The following KCNJ2 variants were observed in gnomAD, a reference collection of about 807,000 sequenced individuals.
The protein encoded by KCNJ2 is inward rectifier potassium channel 2.
In KCNJ2, 12 loss-of-function variants were observed where a neutral mutation model predicts 28.4. That is an observed-to-expected ratio of 0.42 (90% CI 0.27 to 0.68). KCNJ2 has a LOEUF of 0.68. Ranked by LOEUF, KCNJ2 falls within the 30% of genes least tolerant of loss-of-function variation. The pLI, the probability that KCNJ2 is intolerant of heterozygous loss-of-function variation, is 0.23. For missense variants in KCNJ2, 320 were observed against 551.3 expected (o/e 0.58, Z 4.20); for synonymous variants, 200 against 203.2 (o/e 0.98, Z 0.13).
intron 1 of KCNJ2, among the ~76,000 whole-genome samples, chr17:70,172,483 T>C (rs1199534840): frequency 6.6e-6 from 1 of 152,236 alleles, no homozygotes; most frequent in Non-Finnish European, 1.5e-5. Flanking sequence ...ATTCTAAATG[T>C]GGAAAGCTAT....
intron 1 of KCNJ2, among the ~76,000 whole-genome samples, chr17:70,170,470 A>G (rs2074359537): frequency 6.6e-6 from 1 of 152,198 alleles, no homozygotes; most frequent in African/African-American, 2.4e-5. Flanking sequence ...AAATAGGGAT[A>G]GGGAATGGGC....
At position 70,176,870 on chromosome 17, in the gene KCNJ2, G is replaced by A. The variant is rs532522194; in HGVS notation, c.*547G>A. ...CCAAAACAAGAGCCTGATTTTTTGA[G>A]GCCAGTAATTCGTTTGCTAGAATTG... On this transcript the variant is annotated 3_prime_UTR_variant, in exon 2 of 2. Coordinates refer to ENST00000243457, the MANE Select transcript of KCNJ2 (RefSeq NM_000891.3). 5.7e-6 allele frequency: 1 copy of A among 174,280 alleles called. No homozygotes were observed. The highest frequency in any genetic ancestry group is 6.0e-5 in the Admixed American group (1 of 16,740). 10.8% of individuals were successfully genotyped at this position (174,280 alleles called of 1,614,324 possible). A position where few individuals can be genotyped will look rare whatever the true frequency, so the allele number is the denominator to read the frequency against.
chr17:70,175,603 G>T lies in KCNJ2; in HGVS notation c.564G>T (p.Lys188Asn). 6.2e-7 allele frequency: 1 copy of T among 1,614,234 alleles called. No homozygotes were observed. Among genetic ancestry groups the T allele is most frequent in the Non-Finnish European group, 8.5e-7 (1 of 1,180,038 alleles). Residue 188 changes from lysine (K) to asparagine (N), a missense_variant, in exon 2 of 2, where the codon AAG becomes AAT. This residue lies in a region of KCNJ2 where 111 missense variants were observed against 256.7 expected (regional missense o/e 0.43). Transcript: ENST00000243457. This position sits in a 1 kb window ranked among gnomAD's most constrained non-coding sequence, Gnocchi z 8.3. ...AVMAKMAKPK[K>N]RNETLVFSHN... is the part of the protein sequence containing the mutation. ...TGGCCAAGATGGCAAAGCCAAAGAA[G>T]AGAAACGAGACTCTTGTCTTCAGTC... is the stretch of plus-strand genomic sequence containing the variant.
chr17:70,175,441 C>T lies in KCNJ2; in HGVS notation c.402C>T (p.Leu134=). ...SEVNSFTAAF[L]FSIETQTTIG... is the part of the protein sequence containing the mutation. ...TCAACAGCTTCACGGCTGCCTTCCT[C>T]TTCTCCATTGAGACCCAGACAACCA... Residue 134 remains leucine (L), a synonymous_variant, in exon 2 of 2, where the codon CTC becomes CTT. Transcript: ENST00000243457. This position sits in a 1 kb window ranked among gnomAD's most constrained non-coding sequence, Gnocchi z 8.3. 2 of 1,614,190 alleles carry T rather than the reference C, an allele frequency of 1.2e-6. No individual in the cohort carries two copies. The highest frequency in any genetic ancestry group is 1.1e-5 in the South Asian group (1 of 91,080).
chr17:70,169,855 A>G (rs780298419), intron 1 of KCNJ2, among the ~76,000 whole-genome samples, 154 bp downstream of exon 1: 2 of 152,150 alleles, frequency 1.3e-5, no homozygotes, highest in Non-Finnish European at 2.9e-5. Context: ...CCGGAGTCCC[A>G]GATCATGCCT....
In KCNJ2 at chr17:70,176,403, G is replaced by T; in HGVS notation, c.*80G>T. On this transcript the variant is annotated 3_prime_UTR_variant, in exon 2 of 2. Transcript: ENST00000243457. ...GGCCCAAAACAGTTATACAGATGAC[G>T]GTACTGGTCAAGATGGGTCAAGCAA... 1 of 1,336,854 alleles carries T rather than the reference G, an allele frequency of 7.5e-7. No homozygotes were observed. Among genetic ancestry groups the T allele is most frequent in the Non-Finnish European group, 1.1e-6 (1 of 929,880 alleles). 82.8% of individuals were successfully genotyped at this position (1,336,854 alleles called of 1,614,324 possible).
Position 70,176,481 on chromosome 17 carries a change from C to T in KCNJ2, c.*158C>T, listed in dbSNP as rs2074394243. On this transcript the variant is annotated 3_prime_UTR_variant, in exon 2 of 2. Coordinates refer to ENST00000243457, the MANE Select transcript of KCNJ2 (RefSeq NM_000891.3). ...AATGGTTTCAAAGAAAGACTGTAAG[C>T]TCCATGATTAGCATAAAGCACTAAC... is the stretch of plus-strand genomic sequence containing the variant. The T allele has an allele frequency of 1.4e-6, 1 of 717,944 alleles. No individual in the cohort carries two copies. Among genetic ancestry groups the T allele is most frequent in the Non-Finnish European group, 2.6e-6 (1 of 391,920 alleles). The allele number at this position is 717,944 out of a possible 1,614,324, so 44.5% of individuals were successfully genotyped here. A position where few individuals can be genotyped will look rare whatever the true frequency, so the allele number is the denominator to read the frequency against.
chr17:70,176,459 G>A lies in KCNJ2; in HGVS notation c.*136G>A, dbSNP rs73998781. 14,657 of 775,404 alleles carry A rather than the reference G, an allele frequency of 0.019. 1,436 individuals are homozygous for A. The African/African-American group carries it at 0.22, about 12-fold the overall frequency. 48.0% of individuals were successfully genotyped at this position (775,404 alleles called of 1,614,324 possible). A position where few individuals can be genotyped will look rare whatever the true frequency, so the allele number is the denominator to read the frequency against. On this transcript the variant is annotated 3_prime_UTR_variant, in exon 2 of 2. Transcript: ENST00000243457. ...CACAAGGGACTGAGGCAAGCACAAT[G>A]GTTTCAAAGAAAGACTGTAAGCTCC...
chr17:70,170,468 A>T (rs1407486964), intron 1 of KCNJ2, among the ~76,000 whole-genome samples: 2 of 152,152 alleles, frequency 1.3e-5, no homozygotes, highest in Non-Finnish European at 2.9e-5. Flanking sequence ...AAAAATAGGG[A>T]TAGGGAATGG....
intron 1 of KCNJ2, among the ~76,000 whole-genome samples, chr17:70,170,025 C>A (rs558692679): frequency 1.1e-4 from 16 of 152,136 alleles, no homozygotes; most frequent in Admixed American, 3.3e-4. Flanking sequence ...GAGGCAAGGG[C>A]GAGAGCGTCT....
chr17:70,177,359 G>A lies in KCNJ2; in HGVS notation c.*1036G>A, dbSNP rs747357736. The stretch of plus-strand genomic sequence containing the variant: ...CAGGCTCATGTGTAGTGTGCGAGAT[G>A]GTGATGTACTCTTATATTTTTCTGG... On this transcript the variant is annotated 3_prime_UTR_variant, in exon 2 of 2. Transcript: ENST00000243457. 7 of 167,044 alleles carry A rather than the reference G, an allele frequency of 4.2e-5. No individual in the cohort carries two copies. Among genetic ancestry groups the A allele is most frequent in the African/African-American group, 7.2e-5 (3 of 41,428 alleles). The allele number at this position is 167,044 out of a possible 1,614,324, so 10.3% of individuals were successfully genotyped here. A position where few individuals can be genotyped will look rare whatever the true frequency, so the allele number is the denominator to read the frequency against.
At chr17:70,171,102 A>G (rs1327571440) in intron 1 of KCNJ2, among the ~76,000 whole-genome samples, 2 of 152,190 alleles carry the variant, frequency 1.3e-5, no homozygotes, top group Non-Finnish European at 2.9e-5. Context: ...TGCACAGATT[A>G]AGTGTTTCAG....
rs2144375995 is a variant in KCNJ2, at chr17:70,174,817, C to A, written c.-216-7C>A. ...TTTTGTAATGCACAGTCTCTCTTTT[C>A]TTGCAGGACATGTTCTCTGGATGTC... On this transcript the variant is annotated splice_polypyrimidine_tract_variant and splice_region_variant and intron_variant, in intron 1 of 1. Coordinates refer to ENST00000243457, the MANE Select transcript of KCNJ2 (RefSeq NM_000891.3). 3.3e-6 allele frequency: 2 copies of A among 600,046 alleles called. No individual in the cohort carries two copies. The highest frequency in any genetic ancestry group is 3.0e-6 in the Non-Finnish European group (1 of 336,940). The allele number at this position is 600,046 out of a possible 1,614,324, so 37.2% of individuals were successfully genotyped here. A position where few individuals can be genotyped will look rare whatever the true frequency, so the allele number is the denominator to read the frequency against.
At position 70,175,067 on chromosome 17, in the gene KCNJ2, A is replaced by G. The variant is rs1252050049; in HGVS notation, c.28A>G (p.Ser10Gly). 1.9e-6 allele frequency: 3 copies of G among 1,614,048 alleles called. No individual in the cohort carries two copies. The highest frequency in any genetic ancestry group is 2.2e-5 in the South Asian group (2 of 91,090). MGSVRTNRYSIVSSEEDGMK... is the reference protein window; with the variant it reads MGSVRTNRYGIVSSEEDGMK... ...GGGCAGTGTGCGAACCAACCGCTAC[A>G]GCATCGTCTCTTCAGAAGAAGACGG... The change falls in exon 2 of 2, where the codon AGC (serine) becomes GGC (glycine). Residue 10 changes from serine (S) to glycine (G), a missense_variant. Physicochemically the swap from Ser to Gly is moderately conservative, Grantham distance 56. Around this residue, in one of 3 missense-constraint regions of KCNJ2, gnomAD observed 54 missense variants for 63.0 expected, o/e 0.86. Coordinates refer to ENST00000243457, the MANE Select transcript of KCNJ2 (RefSeq NM_000891.3). This position sits in a 1 kb window ranked among gnomAD's most constrained non-coding sequence, Gnocchi z 8.3.
rs1282460632 is a variant in KCNJ2, at chr17:70,176,234, A to G, written c.1195A>G (p.Ser399Gly). 2 of 1,614,072 alleles carry G rather than the reference A, an allele frequency of 1.2e-6. No individual in the cohort carries two copies. The highest frequency in any genetic ancestry group is 2.7e-5 in the African/African-American group (2 of 74,942). ...DSENGVPEST[S>G]TDTPPDIDLH... ...TGAAAATGGAGTTCCAGAAAGCACT[A>G]GTACGGACACGCCCCCTGACATAGA... Residue 399 changes from serine to glycine, a missense_variant, in exon 2 of 2, where the codon AGT becomes GGT. Transcript: ENST00000243457.
At position 70,179,558 on chromosome 17, in the gene KCNJ2, T is replaced by G. The variant is rs1047408718; in HGVS notation, c.*3235T>G. 6.0e-6 allele frequency: 1 copy of G among 166,290 alleles called. No homozygotes were observed. Among genetic ancestry groups the G allele is most frequent in the Non-Finnish European group, 1.5e-5 (1 of 68,120 alleles). 10.3% of individuals were successfully genotyped at this position (166,290 alleles called of 1,614,324 possible). On this transcript the variant is annotated 3_prime_UTR_variant, in exon 2 of 2. Transcript: ENST00000243457. The stretch of plus-strand genomic sequence containing the variant: ...AGTTTGTTTTACTTTGTTTTTATTC[T>G]GTTAATGCATTCTTTCTTCTCTTTA...
At chr17:70,174,029 G>A (rs935020821) in intron 1 of KCNJ2, among the ~76,000 whole-genome samples, 2 of 152,196 alleles carry the variant, frequency 1.3e-5, no homozygotes, top group Non-Finnish European at 2.9e-5. Flanking sequence ...TTTCTGCATA[G>A]TGGTTGCTTA....
chr17:70,178,014 C>T lies in KCNJ2; in HGVS notation c.*1691C>T, dbSNP rs1385442649. The T allele has an allele frequency of 6.5e-6, 1 of 154,820 alleles. No homozygotes were observed. Among genetic ancestry groups the T allele is most frequent in the Non-Finnish European group, 1.5e-5 (1 of 66,832 alleles). The allele number at this position is 154,820 out of a possible 1,614,324, so 9.6% of individuals were successfully genotyped here. A position where few individuals can be genotyped will look rare whatever the true frequency, so the allele number is the denominator to read the frequency against. On this transcript the variant is annotated 3_prime_UTR_variant, in exon 2 of 2. Coordinates refer to ENST00000243457, the MANE Select transcript of KCNJ2 (RefSeq NM_000891.3). ...TAATTTTTTTTTTCTCACTGAAGCT[C>T]AATAATGGAACTCTTTTTTTTTTTT...
intron 1 of KCNJ2, among the ~76,000 whole-genome samples, chr17:70,171,402 C>T (rs1039496419): frequency 6.6e-6 from 1 of 152,236 alleles, no homozygotes; most frequent in Non-Finnish European, 1.5e-5. Flanking sequence ...CTGCTCTAAA[C>T]ACTCATTAGC....
Sources: allele counts gnomAD v4.1 joint callset (sites outside exome capture counted in the v4.1 genomes callset), GRCh38; gene constraint gnomAD v4.1.1; regional missense constraint gnomAD v4.1.1; non-coding constraint Gnocchi (gnomAD v3.1); transcripts MANE v1.5; gene names NCBI Gene and HGNC (gene_info 2026-07-23, HGNC 2026-07-21).